Variants in FAM8A1 observed in about 807,000 individuals in gnomAD.
FAM8A1 encodes protein FAM8A1.
A neutral mutation model predicts 38.3 loss-of-function variants in FAM8A1; 18 were observed. The observed-to-expected ratio is 0.47, with a 90% CI of 0.33 to 0.70. FAM8A1 has a LOEUF of 0.70. Ranked by LOEUF, FAM8A1 falls within the 30% of genes least tolerant of loss-of-function variation. FAM8A1 has a pLI of 0.03. For synonymous variants in FAM8A1, 246 were observed against 234.4 expected (o/e 1.05, Z -0.45); for missense variants, 559 against 559.6 (o/e 1.00, Z 0.01).
chr6:17,600,444 C>G lies in FAM8A1; in HGVS notation c.35C>G (p.Pro12Arg). 1 of 1,471,026 alleles carries G rather than the reference C, an allele frequency of 6.8e-7. No individual in the cohort carries two copies. Among genetic ancestry groups the G allele is most frequent in the Non-Finnish European group, 9.0e-7 (1 of 1,113,144 alleles). The allele number at this position is 1,471,026 out of a possible 1,614,324, so 91.1% of individuals were successfully genotyped here. ...GGGCCCGAGGAAGCCCGAGGCCACC[C>G]TCCCGGGCAGGACGATGGCGGAGGG... The part of the protein sequence containing the change: ...AEGPEEARGH[P>R]PGQDDGGGDH... Residue 12 changes from proline (P) to arginine (R), a missense_variant, in exon 1 of 5, where the codon CCT becomes CGT. Around this residue, in one of 2 missense-constraint regions of FAM8A1, gnomAD observed 393 missense variants for 338.9 expected, o/e 1.16. Coordinates refer to ENST00000259963, the MANE Select transcript of FAM8A1 (RefSeq NM_016255.3).
Position 17,600,498 on chromosome 6 carries a change from G to T in FAM8A1, c.89G>T (p.Gly30Val). Residue 30 changes from glycine (G) to valine (V), a missense_variant, in exon 1 of 5, where the codon GGC (glycine) becomes GTC (valine). By Grantham distance (109) the Gly-to-Val change is moderately radical. Coordinates refer to ENST00000259963, the MANE Select transcript of FAM8A1 (RefSeq NM_016255.3). ...GDHEPVPSLR[G>V]PPTTAVPCPR... ...CACGAGCCCGTCCCTTCCCTGAGAG[G>T]CCCTCCTACCACCGCCGTCCCATGC... is the stretch of plus-strand genomic sequence containing the variant. The T allele has an allele frequency of 6.5e-7, 1 of 1,533,706 alleles. No individual in the cohort carries two copies. The highest frequency in any genetic ancestry group is 1.2e-5 in the South Asian group (1 of 81,336).
intron 4 of FAM8A1, 48 bp downstream of exon 4, chr6:17,606,061 T>A: frequency 7.1e-7 from 1 of 1,403,956 alleles, no homozygotes. Context: ...ATGAAAATAA[T>A]GTGTTTTAGA....
intron 3 of FAM8A1, among the ~76,000 whole-genome samples, chr6:17,605,378 C>A (rs910947932): frequency 1.3e-5 from 2 of 152,172 alleles, no homozygotes; most frequent in Admixed American, 6.5e-5. Flanking sequence ...CTGCACCTAG[C>A]CAACAATCTA....
chr6:17,606,531 C>T (rs1301734543), intron 4 of FAM8A1, among the ~76,000 whole-genome samples: 1 of 152,074 alleles, frequency 6.6e-6, no homozygotes, highest in Non-Finnish European at 1.5e-5. Flanking sequence ...TTATAAGTCA[C>T]AATACGAGAG....
At chr6:17,607,164 C>G (rs1050058811) in intron 4 of FAM8A1, among the ~76,000 whole-genome samples, 7 of 147,282 alleles carry the variant, frequency 4.8e-5, no homozygotes, top group African/African-American at 1.8e-4. Flanking sequence ...GAGGCTGAGG[C>G]AGGAGAATGG....
rs1248376408 is a variant in FAM8A1 at position 17,606,216 on chromosome 6, T to G, written c.1097+203T>G. Among the ~76,000 whole-genome samples the G allele has an allele frequency of 1.5e-4, 23 of 149,768 alleles. No individual in the cohort carries two copies. The South Asian group carries it at 2.5e-3, about 16-fold the overall frequency. On this transcript the variant is annotated intron_variant, in intron 4 of 4. Transcript: ENST00000259963. ...AAGATGATTTTTTTTTTTTTTTTTTTGTGAGACGGAGTCTCACTCTGTTGC... is the reference window on the plus strand; with the variant it reads ...AAGATGATTTTTTTTTTTTTTTTTTGGTGAGACGGAGTCTCACTCTGTTGC...
At chr6:17,604,874 T>C in intron 2 of FAM8A1, 32 bp from the exon 3 acceptor site, 1 of 1,529,382 alleles carries the variant, frequency 6.5e-7, no homozygotes, top group Non-Finnish European at 8.8e-7. Flanking sequence ...GGTAACTAAT[T>C]ATTTATAACC....
chr6:17,600,365 A>AACGGAGCAGTGAC lies in FAM8A1; in HGVS notation c.-43_-31dup. On this transcript the variant is annotated 5_prime_UTR_variant, in exon 1 of 5. Coordinates refer to ENST00000259963, the MANE Select transcript of FAM8A1 (RefSeq NM_016255.3). ...TGGGGAGGGGCCATTGGGGGAGGGA[A>AACGGAGCAGTGAC]ACGGAGCAGTGACAGGTATCCCAGA... 7.5e-7 allele frequency: 1 copy of AACGGAGCAGTGAC among 1,340,414 alleles called. No individual in the cohort carries two copies. The highest frequency in any genetic ancestry group is 9.6e-7 in the Non-Finnish European group (1 of 1,043,700). 83.0% of individuals were successfully genotyped at this position (1,340,414 alleles called of 1,614,324 possible). A position where few individuals can be genotyped will look rare whatever the true frequency, so the allele number is the denominator to read the frequency against.
intron 1 of FAM8A1, among the ~76,000 whole-genome samples, chr6:17,602,271 A>G (rs1399209046): frequency 6.6e-6 from 1 of 152,236 alleles, no homozygotes; most frequent in East Asian, 1.9e-4. Flanking sequence ...TCCTGGCCTC[A>G]AGCAATCTGC....
chr6:17,604,288 C>T (rs1764024597), intron 2 of FAM8A1, among the ~76,000 whole-genome samples: 1 of 152,148 alleles, frequency 6.6e-6, no homozygotes, highest in South Asian at 2.1e-4. Context: ...GCTGTCTCAA[C>T]CTCCCAAGTA....
Position 17,610,479 on chromosome 6 carries a change from C to CAA in FAM8A1, c.*2141_*2142dup, listed in dbSNP as rs1459214773. The CAA allele has an allele frequency of 1.3e-5, 2 of 151,892 alleles. No individual in the cohort carries two copies. Among genetic ancestry groups the CAA allele is most frequent in the African/African-American group, 4.8e-5 (2 of 41,348 alleles). The allele number at this position is 151,892 out of a possible 1,614,324, so 9.4% of individuals were successfully genotyped here. On this transcript the variant is annotated 3_prime_UTR_variant, in exon 5 of 5. Coordinates refer to ENST00000259963, the MANE Select transcript of FAM8A1 (RefSeq NM_016255.3). ...TATTATTTGCCTTCATAATAGAACCCAAGAGTCTGTTTCAATTTATGAATT... is the reference window on the plus strand; with the variant it reads ...TATTATTTGCCTTCATAATAGAACCCAAAAGAGTCTGTTTCAATTTATGAATT...
At chr6:17,603,230 C>T (rs1764010063) in intron 2 of FAM8A1, among the ~76,000 whole-genome samples, 1 of 152,228 alleles carries the variant, frequency 6.6e-6, no homozygotes, top group Non-Finnish European at 1.5e-5. Context: ...GTTACCACTT[C>T]CTGAGTACTT....
In FAM8A1 at chr6:17,600,549, C is replaced by T. The variant is rs752524146; in HGVS notation, c.140C>T (p.Pro47Leu). Residue 47 changes from proline (P) to leucine (L), a missense_variant, in exon 1 of 5, where the codon CCC becomes CTC. Transcript: ENST00000259963. Reference protein sequence around the residue: ...PCPRDDPQAEPQAPGRPTAPG... With the variant: ...PCPRDDPQAELQAPGRPTAPG... ...CCCCGCGACGACCCCCAGGCCGAACCCCAGGCCCCGGGCCGGCCCACAGCC... is the reference window on the plus strand; with the variant it reads ...CCCCGCGACGACCCCCAGGCCGAACTCCAGGCCCCGGGCCGGCCCACAGCC... 2 of 1,513,606 alleles carry T rather than the reference C, an allele frequency of 1.3e-6. No homozygotes were observed. The highest frequency in any genetic ancestry group is 1.8e-6 in the Non-Finnish European group (2 of 1,133,952). The allele number at this position is 1,513,606 out of a possible 1,614,324, so 93.8% of individuals were successfully genotyped here. A position where few individuals can be genotyped will look rare whatever the true frequency, so the allele number is the denominator to read the frequency against.
rs1373907296 is a variant in FAM8A1 at position 17,609,354 on chromosome 6, TA to T, written c.*1022del. 1.3e-5 allele frequency: 2 copies of T among 151,934 alleles called. No homozygotes were observed. Among genetic ancestry groups the T allele is most frequent in the South Asian group, 2.1e-4 (1 of 4,816 alleles). 9.4% of individuals were successfully genotyped at this position (151,934 alleles called of 1,614,324 possible). On this transcript the variant is annotated 3_prime_UTR_variant, in exon 5 of 5. Transcript: ENST00000259963. ...TATGACTGTTGAAACATCAAGGAGT[TA>T]AAAAAATCTTAATATTTCATGATTA...
chr6:17,606,110 T>TTTATTAAGTTAAGTTA, intron 4 of FAM8A1, 97 bp downstream of exon 4: 1 of 825,272 alleles, frequency 1.2e-6, no homozygotes, highest in Non-Finnish European at 1.7e-6. Context: ...TAGGCTTATA[T>TTTATTAAGTTAAGTTA]TTATTAAGTT....
At position 17,600,787 on chromosome 6, in the gene FAM8A1, C is replaced by T. The variant is rs1763972000; in HGVS notation, c.378C>T (p.Cys126=). ...QVHEWLWQSY[C]GYLTWHSGLA... ...ACGAGTGGCTGTGGCAGTCCTACTG[C>T]GGCTACCTCACCTGGCACAGCGGCC... Residue 126 remains cysteine (C), a synonymous_variant, in exon 1 of 5, where the codon TGC becomes TGT. Transcript: ENST00000259963. 6.2e-7 allele frequency: 1 copy of T among 1,611,162 alleles called. No individual in the cohort carries two copies. Among genetic ancestry groups the T allele is most frequent in the Non-Finnish European group, 8.5e-7 (1 of 1,179,690 alleles).
chr6:17,608,346 C>A lies in FAM8A1; in HGVS notation c.*7C>A. 6.2e-7 allele frequency: 1 copy of A among 1,608,858 alleles called. No individual in the cohort carries two copies. The highest frequency in any genetic ancestry group is 2.2e-5 in the East Asian group (1 of 44,792). On this transcript the variant is annotated 3_prime_UTR_variant, in exon 5 of 5. Coordinates refer to ENST00000259963, the MANE Select transcript of FAM8A1 (RefSeq NM_016255.3). ...AAGAAATGGGGTCAGATGATGCCCC[C>A]CAAAACCCTGATTTCCACACACTAA...
Position 17,600,577 on chromosome 6 carries a change from G to A in FAM8A1, c.168G>A (p.Pro56=). 2.0e-6 allele frequency: 3 copies of A among 1,493,346 alleles called. No individual in the cohort carries two copies. Among genetic ancestry groups the A allele is most frequent in the East Asian group, 5.7e-5 (2 of 35,252 alleles). 92.5% of individuals were successfully genotyped at this position (1,493,346 alleles called of 1,614,324 possible). ...AGGCCCCGGGCCGGCCCACAGCCCC[G>A]GGCCTCGCGGCTGCCGCCGCAGCCG... ...EPQAPGRPTA[P]GLAAAAAADK... is the part of the protein sequence containing the mutation. The change falls in exon 1 of 5, where the codon CCG becomes CCA. Residue 56 remains proline (P), a synonymous_variant. Coordinates refer to ENST00000259963, the MANE Select transcript of FAM8A1 (RefSeq NM_016255.3).
intron 2 of FAM8A1, 104 bp downstream of exon 2, chr6:17,602,814 G>GTT (rs1398062797): frequency 1.9e-6 from 2 of 1,056,666 alleles, no homozygotes; most frequent in African/African-American, 3.3e-5. Flanking sequence ...TAATGGGCTT[G>GTT]TCAGTGTCAT....
Sources: gnomAD v4.1 joint callset for allele counts (sites outside exome capture counted in the v4.1 genomes callset) on GRCh38, gnomAD v4.1.1 for gene constraint, gnomAD v4.1.1 regional missense constraint, MANE v1.5 for transcripts, NCBI Gene and HGNC (gene_info 2026-07-23, HGNC 2026-07-21) for gene names.